TMEM45B: variants seen among roughly 807,000 people sequenced by gnomAD.
The protein encoded by TMEM45B is transmembrane protein 45B.
In TMEM45B, 29 loss-of-function variants were observed where a neutral mutation model predicts 27.3. The observed-to-expected ratio is 1.06, with a 90% CI of 0.79 to 1.45. The LOEUF (loss-of-function observed/expected upper bound fraction) is 1.45. Among genes scored for constraint, TMEM45B ranks in the 40% most tolerant of loss-of-function variants. TMEM45B has a pLI of 0.00. For synonymous variants in TMEM45B, 143 were observed against 134.7 expected, an observed-to-expected ratio of 1.06 and a Z score of -0.43; for missense variants, 348 against 343.9, an observed-to-expected ratio of 1.01 and a Z score of -0.09.
At position 129,855,705 on chromosome 11, in the gene TMEM45B, C is replaced by A. The variant is rs780431156; in HGVS notation, c.386-3C>A. 1.9e-6 allele frequency: 3 copies of A among 1,613,660 alleles called. No homozygotes were observed. The highest frequency in any genetic ancestry group is 2.7e-5 in the African/African-American group (2 of 74,918). On this transcript the variant is annotated splice_polypyrimidine_tract_variant and splice_region_variant and intron_variant, in intron 3 of 5. Coordinates refer to ENST00000281441, the MANE Select transcript of TMEM45B (RefSeq NM_138788.5). Reference sequence around the variant, plus strand: ...CTGACAGCTGCCATCTGGTTTGTGGCAGGTTTCCTCTTCTACTACCACGTC... The same window carrying A: ...CTGACAGCTGCCATCTGGTTTGTGGAAGGTTTCCTCTTCTACTACCACGTC...
At chr11:129,817,557 C>T (rs1223895379) in intron 1 of TMEM45B, among the ~76,000 whole-genome samples, 2 of 152,154 alleles carry the variant, frequency 1.3e-5, no homozygotes, top group African/African-American at 4.8e-5. Flanking sequence ...CCAAGCATTC[C>T]ATTTCCTTCT....
rs574409936 is a variant in TMEM45B at position 129,821,602 on chromosome 11, G to T, written c.-9+5704G>T. ...TTTTGAGCTTGTGCCCATTTGAGAT[G>T]TCACTTTTCTTCCTTCACACTTGCT... On this transcript the variant is annotated intron_variant, in intron 1 of 5. Coordinates refer to ENST00000281441, the MANE Select transcript of TMEM45B (RefSeq NM_138788.5). Among the ~76,000 whole-genome samples, 3 of 152,276 alleles carry T rather than the reference G, an allele frequency of 2.0e-5. No homozygotes were observed. The South Asian group carries it at 6.2e-4, about 32-fold the overall frequency.
intron 1 of TMEM45B, among the ~76,000 whole-genome samples, chr11:129,848,364 C>T (rs1487206598): frequency 1.3e-5 from 2 of 152,218 alleles, no homozygotes; most frequent in Non-Finnish European, 2.9e-5. Flanking sequence ...AATACGAAAA[C>T]CCGTCAGGCG....
At position 129,825,284 on chromosome 11, in the gene TMEM45B, G is replaced by A. The variant is rs2323772; in HGVS notation, c.-9+9386G>A. On this transcript the variant is annotated intron_variant, in intron 1 of 5. Transcript: ENST00000281441. ...TAGCAGAATTTTGATGTCTTTGGGG[G>A]CAATGGTGAGGGGAGAAGAGAGTCC... is the stretch of plus-strand genomic sequence containing the variant. Among the ~76,000 whole-genome samples the A allele has an allele frequency of 4.9e-3, 743 of 152,142 alleles. 2 individuals are homozygous for A. The highest frequency in any genetic ancestry group is 0.017 in the African/African-American group (693 of 41,510).
At chr11:129,835,237 C>A (rs544086005) in intron 1 of TMEM45B, among the ~76,000 whole-genome samples, 1 of 152,304 alleles carries the variant, frequency 6.6e-6, no homozygotes, top group Admixed American at 6.5e-5. Context: ...AGTGTGAAAG[C>A]ACATTCTGGA....
At position 129,859,913 on chromosome 11, in the gene TMEM45B, T is replaced by C. The variant is rs776002577; in HGVS notation, c.*1228T>C. On this transcript the variant is annotated 3_prime_UTR_variant, in exon 6 of 6. Transcript: ENST00000281441. The stretch of plus-strand genomic sequence containing the variant: ...GCTGTAAGGACTCCTGAGATATGTG[T>C]CCAGCAAGGAGTTTACAGTCAAACA... The C allele has an allele frequency of 6.6e-6, 1 of 152,538 alleles. No homozygotes were observed. The highest frequency in any genetic ancestry group is 1.5e-5 in the Non-Finnish European group (1 of 68,044). 9.4% of individuals were successfully genotyped at this position (152,538 alleles called of 1,614,324 possible).
chr11:129,824,409 T>C (rs1947455330), intron 1 of TMEM45B, among the ~76,000 whole-genome samples: 1 of 152,286 alleles, frequency 6.6e-6, no homozygotes, highest in South Asian at 2.1e-4. Flanking sequence ...TTAGGTGAAA[T>C]TGATACTCCA....
intron 1 of TMEM45B, among the ~76,000 whole-genome samples, chr11:129,820,427 G>A (rs1947405326): frequency 6.6e-6 from 1 of 152,198 alleles, no homozygotes; most frequent in African/African-American, 2.4e-5. Context: ...ATGAGTCATA[G>A]ATCCTGTCTC....
chr11:129,834,828 AAAGAG>A (rs1277609111), intron 1 of TMEM45B, among the ~76,000 whole-genome samples: 1,780 of 137,562 alleles, frequency 0.013, 29 homozygotes, highest in African/African-American at 0.044. Flanking sequence ...AAAAAAAAAA[AAAGAG>A]AGAGAAACAT....
chr11:129,827,596 G>C lies in TMEM45B; in HGVS notation c.-9+11698G>C, dbSNP rs190744322. Among the ~76,000 whole-genome samples the C allele has an allele frequency of 4.3e-3, 659 of 152,202 alleles. 4 individuals are homozygous for C. Among genetic ancestry groups the C allele is most frequent in the Middle Eastern group, 6.8e-3 (2 of 294 alleles). On this transcript the variant is annotated intron_variant, in intron 1 of 5. Coordinates refer to ENST00000281441, the MANE Select transcript of TMEM45B (RefSeq NM_138788.5). ...AGGCAGGCAGATCACGTGAGGTCGG[G>C]AGTTTGAGACCAGCCTGACCAACAT...
intron 1 of TMEM45B, among the ~76,000 whole-genome samples, chr11:129,849,534 AT>A (rs1947814885): frequency 6.6e-6 from 1 of 152,086 alleles, no homozygotes; most frequent in South Asian, 2.1e-4. Context: ...CCGGTGACAA[AT>A]CTCTGCTCGG....
chr11:129,853,473 C>T (rs1947877601), intron 2 of TMEM45B, among the ~76,000 whole-genome samples: 1 of 152,208 alleles, frequency 6.6e-6, no homozygotes, highest in Admixed American at 6.5e-5. Flanking sequence ...TGCTGAATGT[C>T]CCCACTCACC....
At chr11:129,839,108 T>G (rs1234647568) in intron 1 of TMEM45B, among the ~76,000 whole-genome samples, 1 of 152,026 alleles carries the variant, frequency 6.6e-6, no homozygotes, top group Non-Finnish European at 1.5e-5. Flanking sequence ...TTCACTTATC[T>G]CAAATGAGAG....
intron 1 of TMEM45B, among the ~76,000 whole-genome samples, chr11:129,827,945 G>A (rs1450130818): frequency 1.3e-5 from 2 of 152,086 alleles, no homozygotes; most frequent in Non-Finnish European, 2.9e-5. Context: ...CCTCCAGCCT[G>A]GGCAATAGAG....
chr11:129,828,006 G>C (rs1244699712), intron 1 of TMEM45B: 1 of 138,866 alleles, frequency 7.2e-6, no homozygotes, highest in Non-Finnish European at 1.6e-5. Flanking sequence ...AATCTTATGG[G>C]GCCACCATCA....
chr11:129,849,178 C>T (rs536340599), intron 1 of TMEM45B, among the ~76,000 whole-genome samples: 60 of 152,320 alleles, frequency 3.9e-4, no homozygotes, highest in African/African-American at 1.4e-3. Flanking sequence ...GAGACTCATT[C>T]ACTTTGAGAT....
intron 1 of TMEM45B, among the ~76,000 whole-genome samples, chr11:129,847,800 A>G (rs544266532): frequency 0.018 from 2,695 of 152,150 alleles, 42 homozygotes; most frequent in African/African-American, 0.043. Flanking sequence ...ACACAGACAC[A>G]GCAACCATCC....
In TMEM45B at chr11:129,815,972, C is replaced by CG. The variant is rs1947345309; in HGVS notation, c.-9+78dup. The CG allele has an allele frequency of 5.6e-6, 7 of 1,257,128 alleles. No homozygotes were observed. In the South Asian group the frequency reaches 2.4e-4, roughly 43 times the overall value. 77.9% of individuals were successfully genotyped at this position (1,257,128 alleles called of 1,614,324 possible). On this transcript the variant is annotated intron_variant, in intron 1 of 5. Coordinates refer to ENST00000281441, the MANE Select transcript of TMEM45B (RefSeq NM_138788.5). ...AGGGAGAGGGGGCCCCGCCAAGGAG[C>CG]GGGGCTGTGATGGAGAGGAGGTTCC...
chr11:129,823,339 C>T (rs375067823), intron 1 of TMEM45B, among the ~76,000 whole-genome samples: 1 of 152,108 alleles, frequency 6.6e-6, no homozygotes, highest in Non-Finnish European at 1.5e-5. Flanking sequence ...TGATAGGAAT[C>T]GTTCCTGCTT....
Sources: allele counts gnomAD v4.1 joint callset (sites outside exome capture counted in the v4.1 genomes callset), GRCh38; gene constraint gnomAD v4.1.1; transcripts MANE v1.5; gene names NCBI Gene and HGNC (gene_info 2026-07-23, HGNC 2026-07-21).